Variants in AGBL4 observed in about 807,000 individuals in gnomAD.
AGBL4 encodes AGBL carboxypeptidase 4.
In AGBL4, 58 loss-of-function variants were observed where a neutral mutation model predicts 66.4. The ratio of observed to expected loss-of-function variants is 0.87; its 90% CI spans 0.71 to 1.09. AGBL4 has a LOEUF of 1.09. Among genes scored for constraint, AGBL4 ranks in the 50% least tolerant of loss-of-function variants. AGBL4 has a pLI of 0.00. For missense variants in AGBL4, 579 were observed against 631.0 expected (o/e 0.92, Z 0.88); for synonymous variants, 234 against 222.9 (o/e 1.05, Z -0.44).
intron 3 of AGBL4, among the ~76,000 whole-genome samples, chr1:49,536,178 C>T (rs1164761375): frequency 6.6e-6 from 1 of 152,058 alleles, no homozygotes; most frequent in Non-Finnish European, 1.5e-5. Flanking sequence ...AAACAAAATA[C>T]CAACAGTAAA....
intron 3 of AGBL4, among the ~76,000 whole-genome samples, chr1:49,573,164 G>C (rs1644368027): frequency 6.6e-6 from 1 of 150,978 alleles, no homozygotes; most frequent in East Asian, 1.9e-4. Flanking sequence ...GTGTGTGTGT[G>C]TGTGTGTGTG....
At chr1:49,395,802 TATATATATGTATAC>T in intron 3 of AGBL4, among the ~76,000 whole-genome samples, 1 of 128,376 alleles carries the variant, frequency 7.8e-6, no homozygotes, top group Non-Finnish European at 1.6e-5. Flanking sequence ...TATATATACA[TATATATATGTATAC>T]ATATATATAT....
intron 3 of AGBL4, among the ~76,000 whole-genome samples, chr1:49,603,312 C>G (rs1327759551): frequency 6.6e-6 from 1 of 151,938 alleles, no homozygotes; most frequent in Non-Finnish European, 1.5e-5. Context: ...AAGCAAAAGA[C>G]AAAGAAATAA....
At chr1:49,919,192 T>G (rs530983866) in intron 1 of AGBL4, among the ~76,000 whole-genome samples, 3 of 152,250 alleles carry the variant, frequency 2.0e-5, no homozygotes, top group African/African-American at 4.8e-5. Flanking sequence ...GGACGACCTC[T>G]CTCACCACTC....
intron 3 of AGBL4, among the ~76,000 whole-genome samples, chr1:49,490,644 T>C (rs1235157222): frequency 6.6e-6 from 1 of 151,750 alleles, no homozygotes; most frequent in Non-Finnish European, 1.5e-5. Context: ...CTTGGAGTTA[T>C]TCACTTTTTT....
chr1:49,931,340 A>C (rs1057222440), intron 1 of AGBL4, among the ~76,000 whole-genome samples: 1 of 152,172 alleles, frequency 6.6e-6, no homozygotes, highest in African/African-American at 2.4e-5. Flanking sequence ...TGCTATAAAG[A>C]TACTACCTGA....
chr1:49,756,964 G>T (rs1322354686), intron 2 of AGBL4, among the ~76,000 whole-genome samples: 1 of 152,162 alleles, frequency 6.6e-6, no homozygotes, highest in Non-Finnish European at 1.5e-5. Flanking sequence ...GGGACAGAAT[G>T]ATATGGATTG....
At chr1:48,851,512 C>T (rs1402870474) in intron 6 of AGBL4, among the ~76,000 whole-genome samples, 1 of 152,128 alleles carries the variant, frequency 6.6e-6, no homozygotes, top group Non-Finnish European at 1.5e-5. Flanking sequence ...CCCTATGCAC[C>T]GTCTAAGGCT....
intron 2 of AGBL4, among the ~76,000 whole-genome samples, chr1:49,831,716 T>C (rs1645685547): frequency 1.3e-5 from 2 of 152,216 alleles, no homozygotes; most frequent in African/African-American, 2.4e-5. Context: ...TTCCAGCATT[T>C]GCCCATTCAG....
intron 6 of AGBL4, among the ~76,000 whole-genome samples, chr1:48,858,571 G>A (rs1425309401): frequency 6.6e-6 from 1 of 152,160 alleles, no homozygotes. Flanking sequence ...AAAAAAGCCA[G>A]TCACAATAGG....
chr1:49,042,765 T>A (rs1453361883), intron 5 of AGBL4, among the ~76,000 whole-genome samples: 2 of 152,222 alleles, frequency 1.3e-5, no homozygotes, highest in Non-Finnish European at 2.9e-5. Context: ...TAAACGTCTA[T>A]CATGTTTAAG....
intron 3 of AGBL4, among the ~76,000 whole-genome samples, chr1:49,327,913 A>G (rs1341836194): frequency 6.6e-6 from 1 of 152,214 alleles, no homozygotes; most frequent in African/African-American, 2.4e-5. Flanking sequence ...TCAAGGTAAT[A>G]TCCTGGCAAA....
chr1:49,189,662 C>A (rs1026366273), intron 4 of AGBL4, among the ~76,000 whole-genome samples: 1 of 152,162 alleles, frequency 6.6e-6, no homozygotes, highest in Non-Finnish European at 1.5e-5. Context: ...AGTTTTCTTA[C>A]CTCACTGGTT....
Position 49,429,533 on chromosome 1 carries a change from G to T in AGBL4, c.283-183669C>A, listed in dbSNP as rs370422455. On this transcript the variant is annotated intron_variant, in intron 3 of 13. Transcript: ENST00000371839. ...TGCATATTCAAATGTCTGTGTGAGTGAAGTTTGAGGGAAAATTGACTTAGT... is the reference window on the plus strand; with the variant it reads ...TGCATATTCAAATGTCTGTGTGAGTTAAGTTTGAGGGAAAATTGACTTAGT... Among the ~76,000 whole-genome samples the T allele has an allele frequency of 3.3e-4, 51 of 152,264 alleles. 1 individual carries two copies. In the South Asian group the frequency reaches 9.7e-3, roughly 29 times the overall value.
intron 6 of AGBL4, among the ~76,000 whole-genome samples, chr1:48,805,561 G>T (rs1645904229): frequency 6.6e-6 from 1 of 152,138 alleles, no homozygotes; most frequent in Admixed American, 6.5e-5. Context: ...TGGCATGAAA[G>T]GTGAAACACA....
Position 49,960,359 on chromosome 1 carries a change from A to G in AGBL4, c.34+63404T>C, listed in dbSNP as rs926667435. Among the ~76,000 whole-genome samples the G allele has an allele frequency of 3.9e-5, 6 of 152,074 alleles. 1 individual carries two copies. Among genetic ancestry groups the G allele is most frequent in the Non-Finnish European group, 8.8e-5 (6 of 68,004 alleles). On this transcript the variant is annotated intron_variant, in intron 1 of 13. Coordinates refer to ENST00000371839, the MANE Select transcript of AGBL4 (RefSeq NM_032785.4). ...ATGTTCTCACTCATATGTGAAAGCT[A>G]AAAGACTTTTAATCTCATAGAAGAA... is the stretch of plus-strand genomic sequence containing the variant.
At chr1:48,762,706 G>C (rs1644340135) in intron 6 of AGBL4, among the ~76,000 whole-genome samples, 1 of 151,314 alleles carries the variant, frequency 6.6e-6, no homozygotes, top group African/African-American at 2.4e-5. Context: ...TCCCAGGCCA[G>C]GCTTCTCTCC....
chr1:48,902,818 G>C (rs1176309634), intron 5 of AGBL4, among the ~76,000 whole-genome samples: 1 of 152,034 alleles, frequency 6.6e-6, no homozygotes, highest in African/African-American at 2.4e-5. Flanking sequence ...TGCCCTGTCT[G>C]GCCATTTCAC....
intron 6 of AGBL4, among the ~76,000 whole-genome samples, chr1:48,743,573 A>G (rs1233612230): frequency 6.6e-6 from 1 of 152,248 alleles, no homozygotes; most frequent in Admixed American, 6.5e-5. Context: ...AAAGGCCCAC[A>G]TAATTTAACA....
Sources: gnomAD v4.1 joint callset for allele counts (sites outside exome capture counted in the v4.1 genomes callset) on GRCh38, gnomAD v4.1.1 for gene constraint, MANE v1.5 for transcripts, NCBI Gene and HGNC (gene_info 2026-07-23, HGNC 2026-07-21) for gene names.